The following ZRANB3 variants were observed in gnomAD, a reference collection of about 807,000 sequenced individuals.
The protein encoded by ZRANB3 is DNA annealing helicase and endonuclease ZRANB3.
A neutral mutation model predicts 133.8 loss-of-function variants in ZRANB3; 125 were observed. The ratio of observed to expected loss-of-function variants is 0.93; its 90% CI spans 0.81 to 1.08. ZRANB3 has a LOEUF of 1.08. ZRANB3 is among the 50% of genes least tolerant of loss of function. The pLI, the probability that ZRANB3 is intolerant of heterozygous loss-of-function variation, is 0.00. For synonymous variants in ZRANB3, 387 were observed against 432.7 expected, an observed-to-expected ratio of 0.89 and a Z score of 1.31; for missense variants, 1,229 against 1,275.5, an observed-to-expected ratio of 0.96 and a Z score of 0.56.
intron 2 of ZRANB3, among the ~76,000 whole-genome samples, chr2:135,477,193 C>T (rs1262990178): frequency 6.6e-6 from 1 of 151,670 alleles, no homozygotes; most frequent in Non-Finnish European, 1.5e-5. Flanking sequence ...TACACATAAC[C>T]AGAAAGAGGG....
intron 2 of ZRANB3, among the ~76,000 whole-genome samples, chr2:135,451,507 A>C (rs576807525): frequency 6.6e-6 from 1 of 152,190 alleles, no homozygotes; most frequent in South Asian, 2.1e-4. Context: ...GGTTGCAGTC[A>C]GCTGGGATCA....
intron 2 of ZRANB3, among the ~76,000 whole-genome samples, chr2:135,404,967 C>T (rs1687936152): frequency 6.6e-6 from 1 of 152,074 alleles, no homozygotes. Flanking sequence ...TCACACATAA[C>T]AATATTAACC....
At chr2:135,216,686 C>T (rs771390780) in intron 17 of ZRANB3, among the ~76,000 whole-genome samples, 19 of 152,004 alleles carry the variant, frequency 1.2e-4, no homozygotes, top group Non-Finnish European at 2.5e-4. Context: ...GCAATCTACC[C>T]GCCTTGGCCT....
chr2:135,271,708 T>C (rs1314144046), intron 10 of ZRANB3, 60 bp downstream of exon 10: 1 of 1,540,198 alleles, frequency 6.5e-7, no homozygotes, highest in African/African-American at 1.4e-5. Flanking sequence ...TTATAGTGAA[T>C]GGCCTTTTTT....
intron 19 of ZRANB3, among the ~76,000 whole-genome samples, chr2:135,204,651 ATAT>A (rs1330925476): frequency 0.012 from 1,351 of 114,002 alleles, 21 homozygotes; most frequent in African/African-American, 0.042. Context: ...AAAAAAAAAA[ATAT>A]ATATATATAC....
intron 2 of ZRANB3, among the ~76,000 whole-genome samples, chr2:135,431,679 T>C (rs1359041475): frequency 2.0e-5 from 3 of 152,122 alleles, no homozygotes; most frequent in African/African-American, 7.2e-5. Flanking sequence ...CAAAAATATA[T>C]AGATAGCCAG....
At chr2:135,467,619 C>G (rs548178545) in intron 2 of ZRANB3, among the ~76,000 whole-genome samples, 24 of 152,296 alleles carry the variant, frequency 1.6e-4, no homozygotes, top group African/African-American at 5.8e-4. Flanking sequence ...TTCTAATTGT[C>G]TCTCTTTGCT....
intron 17 of ZRANB3, among the ~76,000 whole-genome samples, chr2:135,213,475 T>C (rs546654442): frequency 8.1e-4 from 124 of 152,332 alleles, no homozygotes; most frequent in South Asian, 2.3e-3. Context: ...AGAATCAGAA[T>C]GCTTCCCGAT....
At chr2:135,456,714 A>C (rs996313297) in intron 2 of ZRANB3, among the ~76,000 whole-genome samples, 2 of 152,176 alleles carry the variant, frequency 1.3e-5, no homozygotes, top group Non-Finnish European at 2.9e-5. Context: ...ACATTACTAG[A>C]TGCCTGCCCA....
At chr2:135,428,541 A>G (rs1203367419) in intron 2 of ZRANB3, among the ~76,000 whole-genome samples, 2 of 152,204 alleles carry the variant, frequency 1.3e-5, no homozygotes, top group Non-Finnish European at 1.5e-5. Flanking sequence ...CAGCAAAAGA[A>G]ATAATCAACA....
chr2:135,295,937 T>C (rs1454846357), intron 8 of ZRANB3, among the ~76,000 whole-genome samples: 1 of 152,226 alleles, frequency 6.6e-6, no homozygotes, highest in Non-Finnish European at 1.5e-5. Flanking sequence ...CAGTTTCTGC[T>C]GAAAGATCTG....
intron 8 of ZRANB3, among the ~76,000 whole-genome samples, chr2:135,309,384 A>T (rs916750293): frequency 2.6e-5 from 4 of 152,140 alleles, no homozygotes; most frequent in African/African-American, 9.7e-5. Flanking sequence ...AAATTGTACT[A>T]GTCTTCCTTC....
At chr2:135,427,602 AT>A (rs1689149807) in intron 2 of ZRANB3, among the ~76,000 whole-genome samples, 1 of 152,232 alleles carries the variant, frequency 6.6e-6, no homozygotes, top group Non-Finnish European at 1.5e-5. Context: ...GGATGAATCA[AT>A]ATTGTAAAAC....
chr2:135,424,382 A>C (rs775625732), intron 2 of ZRANB3, among the ~76,000 whole-genome samples: 5 of 152,176 alleles, frequency 3.3e-5, no homozygotes, highest in Non-Finnish European at 7.3e-5. Context: ...ATGTAGAAAG[A>C]AAGAAAACAA....
chr2:135,374,777 T>C (rs1189019570), intron 3 of ZRANB3, among the ~76,000 whole-genome samples: 2 of 152,070 alleles, frequency 1.3e-5, no homozygotes, highest in East Asian at 1.9e-4. Context: ...GCTGAGATTA[T>C]AGGAGTGAGC....
intron 2 of ZRANB3, among the ~76,000 whole-genome samples, chr2:135,483,207 T>C (rs552410494): frequency 6.6e-6 from 1 of 151,928 alleles, no homozygotes; most frequent in Admixed American, 6.6e-5. Flanking sequence ...AGCTCCTCCT[T>C]GTACCTCTGG....
chr2:135,271,970 A>G (rs1680540015), intron 9 of ZRANB3, 83 bp from the exon 10 acceptor site: 2 of 1,351,968 alleles, frequency 1.5e-6, no homozygotes, highest in Admixed American at 3.2e-5. Flanking sequence ...GCTTATTTTT[A>G]TGGTCACATA....
At chr2:135,275,028 T>A in intron 9 of ZRANB3, among the ~76,000 whole-genome samples, 1 of 140,388 alleles carries the variant, frequency 7.1e-6, no homozygotes, top group East Asian at 2.0e-4. Context: ...TACTTCTTTC[T>A]ACACAGACAC....
chr2:135,310,961 CAA>C (rs200752512), intron 8 of ZRANB3, among the ~76,000 whole-genome samples: 2 of 114,864 alleles, frequency 1.7e-5, no homozygotes. Context: ...ACTCAAAATA[CAA>C]AAAAAAAAAG....
Sources: gnomAD v4.1 joint callset for allele counts (sites outside exome capture counted in the v4.1 genomes callset) on GRCh38, gnomAD v4.1.1 for gene constraint, MANE v1.5 for transcripts, NCBI Gene and HGNC (gene_info 2026-07-23, HGNC 2026-07-21) for gene names.